Variants in IL1RAPL2 observed in about 807,000 individuals in gnomAD.
IL1RAPL2 encodes the protein interleukin 1 receptor accessory protein like 2.
In IL1RAPL2, 3 loss-of-function variants were observed where a neutral mutation model predicts 44.1. The observed-to-expected ratio is 0.07, with a 90% CI of 0.03 to 0.18. IL1RAPL2 has a LOEUF of 0.18. IL1RAPL2 is among the 10% of genes least tolerant of loss of function. The pLI is 1.00. For synonymous variants in IL1RAPL2, 181 were observed against 178.8 expected (o/e 1.01, Z -0.10); for missense variants, 391 against 496.4 (o/e 0.79, Z 2.02).
At chrX:104,942,679 C>T (rs999252857) in intron 2 of IL1RAPL2, among the ~76,000 whole-genome samples, 8 of 111,040 alleles carry the variant, frequency 7.2e-5, no homozygotes, top group African/African-American at 2.3e-4. Context: ...AATTGAATAC[C>T]CTTTATTTCC....
chrX:104,793,263 T>C (rs1233589663), intron 2 of IL1RAPL2, among the ~76,000 whole-genome samples: 1 of 112,102 alleles, frequency 8.9e-6, no homozygotes, highest in African/African-American at 3.2e-5. Context: ...CATAAGCCCA[T>C]TGAGAGGCTG....
chrX:105,688,515 G>A (rs1004607070), intron 6 of IL1RAPL2, among the ~76,000 whole-genome samples: 1 of 111,529 alleles, frequency 9.0e-6, no homozygotes, highest in African/African-American at 3.3e-5. Context: ...CAACTTACAA[G>A]GGATGTGAAG....
chrX:104,834,964 C>A (rs1250318729), intron 2 of IL1RAPL2, among the ~76,000 whole-genome samples: 1 of 111,802 alleles, frequency 8.9e-6, no homozygotes, highest in African/African-American at 3.2e-5. Context: ...CTCATTCTGA[C>A]AAGGCTCTAG....
At chrX:104,981,415 ATT>A (rs748224351) in intron 2 of IL1RAPL2, among the ~76,000 whole-genome samples, 4 of 109,847 alleles carry the variant, frequency 3.6e-5, no homozygotes, top group Non-Finnish European at 5.7e-5. Flanking sequence ...AATGCTACCA[ATT>A]TTTTTTACAT....
chrX:104,612,690 GTT>G (rs200689840), intron 1 of IL1RAPL2, among the ~76,000 whole-genome samples: 2 of 108,981 alleles, frequency 1.8e-5, no homozygotes, highest in Non-Finnish European at 3.8e-5. Flanking sequence ...TTTTTGAATA[GTT>G]TTTTTTTCTA....
Position 104,640,181 on chromosome X carries a change from C to CT in IL1RAPL2, c.-19-18709dup, listed in dbSNP as rs1368986531. On this transcript the variant is annotated intron_variant, in intron 1 of 10. Coordinates refer to ENST00000372582, the MANE Select transcript of IL1RAPL2 (RefSeq NM_017416.2). ...AGGCTGTGTTCATTCTTTTAAATTACTTTTTCTTTATTTTTATCTGACTGG... is the reference window on the plus strand; with the variant it reads ...AGGCTGTGTTCATTCTTTTAAATTACTTTTTTCTTTATTTTTATCTGACTGG... 1.1e-4 allele frequency among the ~76,000 whole-genome samples: 12 copies of CT among 111,665 alleles called. No homozygotes were observed. The South Asian group carries it at 4.4e-3, about 41-fold the overall frequency.
chrX:105,750,441 T>TTTA (rs199583433), intron 9 of IL1RAPL2, among the ~76,000 whole-genome samples: 14,192 of 91,470 alleles, frequency 0.16, 1,198 homozygotes, highest in East Asian at 0.31. Context: ...GCCTGGCCAA[T>TTTA]TTATTATTAT....
intron 2 of IL1RAPL2, among the ~76,000 whole-genome samples, chrX:105,012,442 C>A (rs1341766834): frequency 9.1e-6 from 1 of 110,199 alleles, no homozygotes; most frequent in Admixed American, 9.7e-5. Flanking sequence ...AGATAAGGGA[C>A]CATATTCAGA....
intron 5 of IL1RAPL2, among the ~76,000 whole-genome samples, chrX:105,341,590 C>T (rs1433935242): frequency 8.9e-6 from 1 of 111,895 alleles, no homozygotes; most frequent in African/African-American, 3.2e-5. Flanking sequence ...ATAAATCAAG[C>T]ACCTTTTTTA....
chrX:104,853,336 C>T (rs1015828732), intron 2 of IL1RAPL2, among the ~76,000 whole-genome samples: 19 of 111,439 alleles, frequency 1.7e-4, no homozygotes, highest in Non-Finnish European at 3.4e-4. Context: ...AGATGGACAA[C>T]TTTGGGCTAG....
At chrX:104,866,721 A>G (rs938992149) in intron 2 of IL1RAPL2, among the ~76,000 whole-genome samples, 1 of 111,874 alleles carries the variant, frequency 8.9e-6, no homozygotes, top group Admixed American at 9.5e-5. Context: ...ATGAAAGTGA[A>G]TATAATCGAT....
intron 6 of IL1RAPL2, among the ~76,000 whole-genome samples, chrX:105,669,934 A>T (rs369274378): frequency 2.9e-5 from 3 of 104,894 alleles, no homozygotes; most frequent in East Asian, 6.0e-4. Context: ...TTATTATATA[A>T]CTTGTGAGAC....
intron 5 of IL1RAPL2, among the ~76,000 whole-genome samples, chrX:105,323,842 C>T (rs1172359478): frequency 1.8e-5 from 2 of 109,423 alleles, no homozygotes; most frequent in African/African-American, 6.8e-5. Context: ...CACCACTGCA[C>T]TCCAGTCTGG....
chrX:105,188,587 A>T (rs1409223281), intron 2 of IL1RAPL2, among the ~76,000 whole-genome samples: 2 of 111,903 alleles, frequency 1.8e-5, no homozygotes, highest in African/African-American at 6.5e-5. Flanking sequence ...TTGTCAGCCC[A>T]TTATTAAGTG....
intron 2 of IL1RAPL2, among the ~76,000 whole-genome samples, chrX:104,834,906 G>C (rs1353395913): frequency 9.0e-6 from 1 of 111,415 alleles, no homozygotes; most frequent in African/African-American, 3.3e-5. Flanking sequence ...TTTATCCTCT[G>C]GTCCTTTTCT....
intron 7 of IL1RAPL2, among the ~76,000 whole-genome samples, chrX:105,722,866 CT>C (rs770736483): frequency 2.7e-5 from 3 of 111,002 alleles, no homozygotes; most frequent in Admixed American, 9.6e-5. Context: ...CTGAAAATCT[CT>C]AGAATTCCTT....
chrX:104,658,376 A>T (rs140362669), intron 1 of IL1RAPL2, among the ~76,000 whole-genome samples: 1 of 112,280 alleles, frequency 8.9e-6, no homozygotes, highest in Non-Finnish European at 1.9e-5. Flanking sequence ...CAGAAAACCA[A>T]ATAATGCATG....
chrX:105,454,735 CA>C (rs2036043201), intron 5 of IL1RAPL2, among the ~76,000 whole-genome samples: 1 of 111,424 alleles, frequency 9.0e-6, no homozygotes, highest in Non-Finnish European at 1.9e-5. Context: ...AACCAGAGGC[CA>C]GGGGCTGACC....
chrX:105,373,021 T>C (rs1482283947), intron 5 of IL1RAPL2, among the ~76,000 whole-genome samples: 1 of 112,786 alleles, frequency 8.9e-6, no homozygotes, highest in East Asian at 2.8e-4. Context: ...TATATTCCTT[T>C]GGGTATATAC....
Sources: allele counts gnomAD v4.1 joint callset (sites outside exome capture counted in the v4.1 genomes callset), GRCh38; gene constraint gnomAD v4.1.1; transcripts MANE v1.5; gene names NCBI Gene and HGNC (gene_info 2026-07-23, HGNC 2026-07-21).